The following CTNND2 variants were observed in gnomAD, a reference collection of about 807,000 sequenced individuals.
CTNND2 encodes catenin delta-2.
Under a neutral mutation model 144.4 loss-of-function variants are expected in CTNND2, and 22 were observed. The ratio of observed to expected loss-of-function variants is 0.15; its 90% CI spans 0.11 to 0.22. The LOEUF (loss-of-function observed/expected upper bound fraction) is 0.22. Among genes scored for constraint, CTNND2 ranks in the 10% least tolerant of loss-of-function variants. The probability of loss-of-function intolerance (pLI) is 1.00; values close to 1 mark genes in which losing one functional copy is unlikely to be tolerated. For missense variants in CTNND2, 1,353 were observed against 1,618.8 expected (o/e 0.84, Z 2.82); for synonymous variants, 751 against 695.6 (o/e 1.08, Z -1.25).
chr5:11,248,751 G>T (rs951412056), intron 9 of CTNND2, among the ~76,000 whole-genome samples: 7 of 152,192 alleles, frequency 4.6e-5, no homozygotes, highest in Non-Finnish European at 8.8e-5. Flanking sequence ...TGTGTTTCTG[G>T]AAGTGAGAAC....
At position 11,599,733 on chromosome 5, in the gene CTNND2, C is replaced by T. The variant is rs531582521; in HGVS notation, c.175-34677G>A. ...AGTCAGGAAAATAGAAAAGTGATTG[C>T]GAAAATGGAGTTTAGACTTTCCCTT... On this transcript the variant is annotated intron_variant, in intron 2 of 21. Coordinates refer to ENST00000304623, the MANE Select transcript of CTNND2 (RefSeq NM_001332.4). 2.3e-3 allele frequency among the ~76,000 whole-genome samples: 346 copies of T among 152,152 alleles called. 3 individuals are homozygous for T. The highest frequency in any genetic ancestry group is 2.4e-3 in the Admixed American group (36 of 15,262).
At chr5:11,261,585 CCAAGGGT>C (rs1347472387) in intron 9 of CTNND2, among the ~76,000 whole-genome samples, 2 of 152,210 alleles carry the variant, frequency 1.3e-5, no homozygotes, top group African/African-American at 4.8e-5. Context: ...GCTGAACAAA[CCAAGGGT>C]CATGTGTTTC....
chr5:11,304,114 C>T (rs1580848158), intron 9 of CTNND2, among the ~76,000 whole-genome samples: 4 of 152,066 alleles, frequency 2.6e-5, no homozygotes, highest in African/African-American at 9.7e-5. Flanking sequence ...TTATAAATTA[C>T]CCAGTCTTGA....
At chr5:11,853,898 A>G (rs1330824451) in intron 1 of CTNND2, among the ~76,000 whole-genome samples, 1 of 152,142 alleles carries the variant, frequency 6.6e-6, no homozygotes, top group African/African-American at 2.4e-5. Flanking sequence ...GATTGACAAC[A>G]TCATCTCTGA....
intron 12 of CTNND2, among the ~76,000 whole-genome samples, chr5:11,159,049 C>T (rs1978155): frequency 0.47 from 71,538 of 152,018 alleles, 17,707 homozygotes; most frequent in Admixed American, 0.57. Context: ...TTGCTACTTT[C>T]ATTATTTAAA....
chr5:11,321,684 G>A (rs1234303527), intron 9 of CTNND2, among the ~76,000 whole-genome samples: 1 of 152,024 alleles, frequency 6.6e-6, no homozygotes, highest in African/African-American at 2.4e-5. Context: ...TTCAGAGACT[G>A]GAGAAATAAA....
intron 2 of CTNND2, among the ~76,000 whole-genome samples, chr5:11,713,662 G>A (rs1474893225): frequency 1.3e-5 from 2 of 150,492 alleles, no homozygotes; most frequent in East Asian, 3.9e-4. Context: ...TTTTCATCAT[G>A]AGGATAAGAC....
At position 11,250,456 on chromosome 5, in the gene CTNND2, G is replaced by GCC. The variant is rs1554012557; in HGVS notation, c.1629-13634_1629-13633insGG. On this transcript the variant is annotated intron_variant, in intron 9 of 21. Coordinates refer to ENST00000304623, the MANE Select transcript of CTNND2 (RefSeq NM_001332.4). ...AAAGTTTGCGGTGAATTTAAAGGGTGCTCTCTCTCTCTCTCTCTCTCTCTC... is the reference window on the plus strand; with the variant it reads ...AAAGTTTGCGGTGAATTTAAAGGGTGCCCTCTCTCTCTCTCTCTCTCTCTCTC... Among the ~76,000 whole-genome samples the GCC allele has an allele frequency of 8.1e-4, 59 of 73,194 alleles. 1 individual carries two copies. The highest frequency in any genetic ancestry group is 1.1e-3 in the Non-Finnish European group (47 of 41,674). 48.0% of individuals were successfully genotyped at this position (73,194 alleles called of 152,430 possible).
intron 9 of CTNND2, among the ~76,000 whole-genome samples, chr5:11,335,978 TTCC>T (rs1422384868): frequency 6.6e-6 from 1 of 151,932 alleles, no homozygotes; most frequent in African/African-American, 2.4e-5. Flanking sequence ...ATTGGTTGCT[TTCC>T]ACAACCAATC....
intron 3 of CTNND2, among the ~76,000 whole-genome samples, chr5:11,491,277 G>A (rs1240205909): frequency 6.6e-6 from 1 of 152,140 alleles, no homozygotes; most frequent in African/African-American, 2.4e-5. Flanking sequence ...CATAAATGAT[G>A]GGGTTTTGGA....
At chr5:11,292,445 C>T (rs1311440) in intron 9 of CTNND2, among the ~76,000 whole-genome samples, 45,770 of 151,692 alleles carry the variant, frequency 0.3, 7,010 homozygotes, top group Middle Eastern at 0.38. Context: ...AATTGTAATC[C>T]CCATAATCCC....
chr5:11,748,797 C>T (rs1788454146), intron 1 of CTNND2, among the ~76,000 whole-genome samples: 1 of 151,906 alleles, frequency 6.6e-6, no homozygotes, highest in African/African-American at 2.4e-5. Context: ...CAATTATGTC[C>T]ACAGGTTCTT....
intron 3 of CTNND2, among the ~76,000 whole-genome samples, chr5:11,429,971 G>T (rs1763132560): frequency 6.6e-6 from 1 of 152,060 alleles, no homozygotes; most frequent in African/African-American, 2.4e-5. Context: ...AAATAAAGGG[G>T]CCAGGTGCAG....
intron 9 of CTNND2, among the ~76,000 whole-genome samples, chr5:11,250,134 T>C (rs1743406743): frequency 6.6e-6 from 1 of 152,154 alleles, no homozygotes; most frequent in South Asian, 2.1e-4. Flanking sequence ...ATGTGGAGAA[T>C]ATTTTCACCC....
chr5:11,865,906 A>AAAAAAAAAAAC (rs1256495724), intron 1 of CTNND2, among the ~76,000 whole-genome samples: 1 of 149,270 alleles, frequency 6.7e-6, no homozygotes, highest in Non-Finnish European at 1.5e-5. Context: ...AAGAGACAAA[A>AAAAAAAAAAAC]AAAAAAAAAC....
intron 12 of CTNND2, among the ~76,000 whole-genome samples, chr5:11,133,826 A>T (rs988030032): frequency 5.9e-5 from 9 of 152,242 alleles, no homozygotes; most frequent in Non-Finnish European, 5.9e-5. Flanking sequence ...TCTGCATTTT[A>T]AAAGCAAGGC....
At chr5:10,978,962 A>C (rs555598380) in intron 21 of CTNND2, among the ~76,000 whole-genome samples, 28 of 152,324 alleles carry the variant, frequency 1.8e-4, no homozygotes, top group African/African-American at 6.5e-4. Flanking sequence ...TTTGGAACCT[A>C]CTGCAGCCAC....
intron 2 of CTNND2, among the ~76,000 whole-genome samples, chr5:11,672,121 A>T (rs1024894076): frequency 3.3e-5 from 5 of 152,196 alleles, no homozygotes; most frequent in African/African-American, 1.2e-4. Context: ...GCTGCAGATC[A>T]GCAAAGATTC....
intron 9 of CTNND2, among the ~76,000 whole-genome samples, chr5:11,318,134 A>G (rs1373575411): frequency 6.6e-6 from 1 of 152,108 alleles, no homozygotes; most frequent in Admixed American, 6.5e-5. Context: ...AGGAATCTGA[A>G]TTCTTTCTTT....
Sources: allele counts gnomAD v4.1 joint callset (sites outside exome capture counted in the v4.1 genomes callset), GRCh38; gene constraint gnomAD v4.1.1; transcripts MANE v1.5; gene names NCBI Gene and HGNC (gene_info 2026-07-23, HGNC 2026-07-21).